DCHS2: variants seen among roughly 807,000 people sequenced by gnomAD.
The protein encoded by DCHS2 is protocadherin-23.
A neutral mutation model predicts 182.4 loss-of-function variants in DCHS2; 142 were observed. That is an observed-to-expected ratio of 0.78 (90% CI 0.68 to 0.89). The LOEUF (loss-of-function observed/expected upper bound fraction) is 0.89, where lower values mean the gene tolerates loss of function less well. DCHS2 is among the 40% of genes least tolerant of loss of function. The pLI is 0.00. For synonymous variants in DCHS2, 1,740 were observed against 1,663.3 expected, an observed-to-expected ratio of 1.05 and a Z score of -1.12; for missense variants, 4,319 against 4,198.6, an observed-to-expected ratio of 1.03 and a Z score of -0.79.
chr4:154,378,703 GGTCACATAAC>G (rs1032702060), intron 1 of DCHS2, among the ~76,000 whole-genome samples: 1 of 152,122 alleles, frequency 6.6e-6, no homozygotes, highest in African/African-American at 2.4e-5. Context: ...ACGGGCCAAA[GGTCACATAAC>G]GAATAAGTGT....
At chr4:154,252,250 T>G (rs1732404070) in intron 16 of DCHS2, among the ~76,000 whole-genome samples, 1 of 152,230 alleles carries the variant, frequency 6.6e-6, no homozygotes, top group Non-Finnish European at 1.5e-5. Context: ...GCATGCAATG[T>G]GTATCAATTA....
chr4:154,263,080 GT>G (rs1406092289), intron 14 of DCHS2, among the ~76,000 whole-genome samples: 2 of 151,978 alleles, frequency 1.3e-5, no homozygotes, highest in African/African-American at 4.8e-5. Context: ...TAATAAAATG[GT>G]TTTCTCACAC....
chr4:154,337,462 G>T (rs1412897131), intron 3 of DCHS2, among the ~76,000 whole-genome samples: 1 of 152,130 alleles, frequency 6.6e-6, no homozygotes, highest in East Asian at 1.9e-4. Context: ...TCCAAATCTA[G>T]ACACATCGAT....
chr4:154,320,227 T>A, intron 9 of DCHS2, 152 bp downstream of exon 9: 1 of 1,302,934 alleles, frequency 7.7e-7, no homozygotes, highest in Non-Finnish European at 1.0e-6. Flanking sequence ...TTAAGCAAGG[T>A]AAATAATATC....
At chr4:154,425,338 T>C (rs1003195455) in intron 1 of DCHS2, among the ~76,000 whole-genome samples, 1 of 152,220 alleles carries the variant, frequency 6.6e-6, no homozygotes, top group Non-Finnish European at 1.5e-5. Flanking sequence ...AGGACTCTTC[T>C]CTATATTTAA....
chr4:154,488,686 T>C (rs1480171776), intron 1 of DCHS2, among the ~76,000 whole-genome samples: 1 of 152,090 alleles, frequency 6.6e-6, no homozygotes, highest in Non-Finnish European at 1.5e-5. Flanking sequence ...GCAGATCACC[T>C]GAGGTCAGGA....
chr4:154,476,356 C>G (rs1735678459), intron 1 of DCHS2, among the ~76,000 whole-genome samples: 1 of 152,122 alleles, frequency 6.6e-6, no homozygotes, highest in South Asian at 2.1e-4. Context: ...AAGAGAGGCA[C>G]AGACAAAGAT....
At chr4:154,467,740 A>G (rs911390208) in intron 1 of DCHS2, among the ~76,000 whole-genome samples, 7 of 152,194 alleles carry the variant, frequency 4.6e-5, no homozygotes, top group Non-Finnish European at 8.8e-5. Context: ...GCAATTTTGA[A>G]GAAATCATTT....
intron 1 of DCHS2, among the ~76,000 whole-genome samples, chr4:154,464,477 T>C (rs1735154742): frequency 6.6e-6 from 1 of 152,086 alleles, no homozygotes; most frequent in Admixed American, 6.6e-5. Flanking sequence ...GGATATAAAG[T>C]CCATTTATAT....
At chr4:154,443,132 A>G (rs1395322544) in intron 1 of DCHS2, among the ~76,000 whole-genome samples, 2 of 152,028 alleles carry the variant, frequency 1.3e-5, no homozygotes, top group Non-Finnish European at 2.9e-5. Flanking sequence ...TTTAAATTCC[A>G]TGGTCCACTG....
In DCHS2 at chr4:154,335,286, T is replaced by G; in HGVS notation, c.2477-182A>C. 10 of 589,010 alleles carry G rather than the reference T, an allele frequency of 1.7e-5. No homozygotes were observed. The South Asian group carries it at 2.0e-4, about 12-fold the overall frequency. 36.5% of individuals were successfully genotyped at this position (589,010 alleles called of 1,614,324 possible). On this transcript the variant is annotated intron_variant, in intron 3 of 19. Coordinates refer to ENST00000357232, the MANE Select transcript of DCHS2 (RefSeq NM_001358235.2). ...GTGTGTCTGTGAGGGTGCTTTTGGA[T>G]GACATTAACATTTAAATCTGTAGAC...
At chr4:154,262,342 T>G (rs1733027352) in intron 14 of DCHS2, 1 of 152,192 alleles carries the variant, frequency 6.6e-6, no homozygotes, top group Non-Finnish European at 1.5e-5. Flanking sequence ...GGCTGCTAGA[T>G]CCACATTTTT....
In DCHS2 at chr4:154,444,748, C is replaced by G. The variant is rs544815336; in HGVS notation, c.2052+44556G>C. Among the ~76,000 whole-genome samples the G allele has an allele frequency of 4.6e-5, 7 of 152,316 alleles. No homozygotes were observed. In the South Asian group the frequency reaches 1.5e-3, roughly 32 times the overall value. ...AAGCCTTCACTCACTTTCCTCCACA[C>G]TCAGGATAAGATGCAAAGTTGTTGC... On this transcript the variant is annotated intron_variant, in intron 1 of 19. Transcript: ENST00000357232.
At chr4:154,273,342 G>T (rs1400658116) in intron 13 of DCHS2, among the ~76,000 whole-genome samples, 5 of 152,114 alleles carry the variant, frequency 3.3e-5, no homozygotes, top group Non-Finnish European at 7.4e-5. Context: ...TATTCTAAGT[G>T]AAGTAACTCA....
intron 1 of DCHS2, among the ~76,000 whole-genome samples, chr4:154,390,516 A>ACACACC (rs1731649869): frequency 6.6e-6 from 1 of 151,934 alleles, no homozygotes; most frequent in Non-Finnish European, 1.5e-5. Context: ...ACACACACAC[A>ACACACC]CACACCCACA....
chr4:154,306,279 G>C (rs1578943859), intron 10 of DCHS2, among the ~76,000 whole-genome samples: 2 of 152,132 alleles, frequency 1.3e-5, no homozygotes, highest in East Asian at 3.9e-4. Flanking sequence ...GAGAAAAAAA[G>C]TCTAATAACA....
At chr4:154,242,601 A>T in intron 17 of DCHS2, 41 bp downstream of exon 17, 1 of 1,595,214 alleles carries the variant, frequency 6.3e-7, no homozygotes, top group Non-Finnish European at 8.5e-7. Flanking sequence ...ATGATATTAT[A>T]CAAGTTAATC....
intron 10 of DCHS2, among the ~76,000 whole-genome samples, chr4:154,306,886 C>T (rs1735459924): frequency 6.6e-6 from 1 of 152,068 alleles, no homozygotes. Context: ...TCCCATTATC[C>T]TCTAATGTGC....
rs761232385 is a variant in DCHS2, at chr4:154,491,694, CT to C, written c.-340del. 2.8e-5 allele frequency: 32 copies of C among 1,131,402 alleles called. No individual in the cohort carries two copies. Among genetic ancestry groups the C allele is most frequent in the Non-Finnish European group, 3.2e-5 (30 of 925,478 alleles). 70.1% of individuals were successfully genotyped at this position (1,131,402 alleles called of 1,614,324 possible). On this transcript the variant is annotated 5_prime_UTR_variant, in exon 1 of 20. An upstream open reading frame in the 5' UTR loses its in-frame stop. Coordinates refer to ENST00000357232, the MANE Select transcript of DCHS2 (RefSeq NM_001358235.2). The stretch of plus-strand genomic sequence containing the variant: ...GTTCTACTCGGCTGGTTGTTCCCCC[CT>C]GGTAAAGTCAGGTGCATTATTTCTT...
Sources: gnomAD v4.1 joint callset for allele counts (sites outside exome capture counted in the v4.1 genomes callset) on GRCh38, gnomAD v4.1.1 for gene constraint, MANE v1.5 for transcripts, NCBI Gene and HGNC (gene_info 2026-07-23, HGNC 2026-07-21) for gene names.